Variants in MEIG1 observed in about 807,000 individuals in gnomAD.
MEIG1 encodes meiosis/spermiogenesis associated 1, also known as meiosis expressed gene 1 protein homolog.
In MEIG1, 12 loss-of-function variants were observed where a neutral mutation model predicts 11.3. The ratio of observed to expected loss-of-function variants is 1.07; its 90% CI spans 0.68 to 1.73. MEIG1 has a LOEUF of 1.73. MEIG1 is among the 40% of genes most tolerant of loss of function. MEIG1 has a pLI of 0.00. For synonymous variants in MEIG1, 41 were observed against 33.2 expected (o/e 1.24, Z -0.81); for missense variants, 119 against 104.9 (o/e 1.13, Z -0.59).
At chr10:14,972,115 A>G (rs1358269402) in intron 2 of MEIG1, among the ~76,000 whole-genome samples, 2 of 151,920 alleles carry the variant, frequency 1.3e-5, no homozygotes, top group Admixed American at 1.3e-4. Context: ...CCAGAGTTCA[A>G]TGGATTCTTC....
At chr10:14,981,310 G>A (rs1019154309) in intron 1 of MEIG1, among the ~76,000 whole-genome samples, 11 of 151,906 alleles carry the variant, frequency 7.2e-5, no homozygotes, top group Admixed American at 3.3e-4. Context: ...TCCCGTGGTG[G>A]GTAACTTTAG....
At chr10:14,987,833 A>G (rs966726931) in exon 3 of MEIG1, 1 of 176,848 alleles carries the variant, frequency 5.7e-6, no homozygotes. Flanking sequence ...GCCGTGAAAT[A>G]CACTCTACTT....
chr10:14,975,865 G>A (rs1843204504), downstream of MEIG1, among the ~76,000 whole-genome samples: 1 of 152,112 alleles, frequency 6.6e-6, no homozygotes, highest in African/African-American at 2.4e-5. Context: ...AATGCCGCTG[G>A]GGGCAGAAAC....
At chr10:14,981,542 C>A (rs1450393503) in intron 1 of MEIG1, among the ~76,000 whole-genome samples, 2 of 152,090 alleles carry the variant, frequency 1.3e-5, no homozygotes, top group Non-Finnish European at 2.9e-5. Flanking sequence ...GCGACCGGGG[C>A]GGTTACTAGC....
At chr10:14,959,275 G>A (rs1033622002), upstream of MEIG1, among the ~76,000 whole-genome samples, 1 of 152,238 alleles carries the variant, frequency 6.6e-6, no homozygotes, top group East Asian at 1.9e-4. Context: ...AAGATGGGCC[G>A]GCGCCCACCC....
chr10:14,956,879 A>G (rs1336323612), upstream of MEIG1, among the ~76,000 whole-genome samples: 2 of 151,956 alleles, frequency 1.3e-5, no homozygotes, highest in Non-Finnish European at 1.5e-5. Context: ...ACATGACAAA[A>G]CCCCAGCTCT....
chr10:14,982,956 T>C (rs1167472917), intron 1 of MEIG1, among the ~76,000 whole-genome samples: 1 of 152,122 alleles, frequency 6.6e-6, no homozygotes, highest in Non-Finnish European at 1.5e-5. Context: ...TTAATGTTAA[T>C]CTGAGCACTT....
chr10:14,986,626 G>C (rs545129948), intron 1 of MEIG1, among the ~76,000 whole-genome samples: 3 of 152,166 alleles, frequency 2.0e-5, no homozygotes, highest in African/African-American at 7.2e-5. Context: ...GTATGTAGGT[G>C]TATGATGGAG....
At chr10:14,963,547 A>G (rs1295143824) in intron 1 of MEIG1, among the ~76,000 whole-genome samples, 3 of 152,158 alleles carry the variant, frequency 2.0e-5, no homozygotes, top group African/African-American at 7.2e-5. Context: ...TTGCTATTAT[A>G]TTGTGCAGCA....
intron 1 of MEIG1, among the ~76,000 whole-genome samples, chr10:14,963,640 G>A (rs990364845): frequency 6.6e-6 from 1 of 152,026 alleles, no homozygotes; most frequent in African/African-American, 2.4e-5. Context: ...GTTTTGCCAG[G>A]TGTTCCAAAT....
intron 1 of MEIG1, among the ~76,000 whole-genome samples, chr10:14,984,074 C>T (rs749910859): frequency 6.6e-6 from 1 of 151,972 alleles, no homozygotes; most frequent in East Asian, 1.9e-4. Context: ...GATGTACACC[C>T]GTGTATGATA....
downstream of MEIG1, among the ~76,000 whole-genome samples, chr10:14,977,519 A>G (rs563372160): frequency 1.3e-5 from 2 of 152,102 alleles, no homozygotes; most frequent in South Asian, 2.1e-4. Flanking sequence ...CAGGGGGTGT[A>G]CACCCTTCGA....
At chr10:14,987,180 T>C (rs1331347605) in intron 2 of MEIG1, 3 of 960,808 alleles carry the variant, frequency 3.1e-6, no homozygotes, top group Non-Finnish European at 4.8e-6. Context: ...TGCGACTGCA[T>C]GTCCACAGTC....
At chr10:14,981,720 G>T (rs1219166192) in intron 1 of MEIG1, among the ~76,000 whole-genome samples, 1 of 152,148 alleles carries the variant, frequency 6.6e-6, no homozygotes, top group Non-Finnish European at 1.5e-5. Context: ...CCTGTTCTGA[G>T]TCATCTTGTT....
downstream of MEIG1, among the ~76,000 whole-genome samples, chr10:14,976,521 A>C (rs1292961825): frequency 1.3e-5 from 2 of 151,986 alleles, no homozygotes; most frequent in Non-Finnish European, 2.9e-5. Flanking sequence ...CAGGGTTTGT[A>C]CACCTTGTCA....
At chr10:14,970,019 A>G (rs1378016486) in intron 2 of MEIG1, among the ~76,000 whole-genome samples, 5 of 152,212 alleles carry the variant, frequency 3.3e-5, no homozygotes, top group African/African-American at 4.8e-5. Context: ...CCTTCCAGGG[A>G]CAATCCCCAG....
At chr10:14,984,647 C>G (rs1843300308) in intron 1 of MEIG1, among the ~76,000 whole-genome samples, 1 of 152,020 alleles carries the variant, frequency 6.6e-6, no homozygotes, top group African/African-American at 2.4e-5. Flanking sequence ...TGTCAAATTA[C>G]TCGTATGATC....
At chr10:14,975,525 A>G (rs577472310), downstream of MEIG1, among the ~76,000 whole-genome samples, 2 of 152,220 alleles carry the variant, frequency 1.3e-5, no homozygotes, top group South Asian at 4.2e-4. Context: ...GCTATTATCC[A>G]GAAGAGGAGA....
chr10:14,980,379 A>C (rs1189267545), intron 1 of MEIG1, among the ~76,000 whole-genome samples: 1 of 152,118 alleles, frequency 6.6e-6, no homozygotes, highest in African/African-American at 2.4e-5. Context: ...GAGGTTATTC[A>C]TAATCGTTTC....
Sources: gnomAD v4.1 joint callset for allele counts (sites outside exome capture counted in the v4.1 genomes callset) on GRCh38, gnomAD v4.1.1 for gene constraint, MANE v1.5 for transcripts, NCBI Gene and HGNC (gene_info 2026-07-23, HGNC 2026-07-21) for gene names.